NAALADL2: variants seen among roughly 807,000 people sequenced by gnomAD.
NAALADL2 encodes the protein N-acetylated alpha-linked acidic dipeptidase like 2.
Under a neutral mutation model 87.2 loss-of-function variants are expected in NAALADL2, and 76 were observed. That is an observed-to-expected ratio of 0.87 (90% CI 0.72 to 1.05). The LOEUF (loss-of-function observed/expected upper bound fraction) is 1.05, where lower values mean the gene tolerates loss of function less well. NAALADL2 is among the 50% of genes least tolerant of loss of function. NAALADL2 has a pLI of 0.00. For synonymous variants in NAALADL2, 354 were observed against 331.0 expected, an observed-to-expected ratio of 1.07 and a Z score of -0.75; for missense variants, 1,089 against 945.8, an observed-to-expected ratio of 1.15 and a Z score of -1.99.
chr3:174,728,199 T>C (rs1305470453), intron 2 of NAALADL2, among the ~76,000 whole-genome samples: 1 of 152,086 alleles, frequency 6.6e-6, no homozygotes, highest in Non-Finnish European at 1.5e-5. Context: ...TGTTTTAATG[T>C]GGACTTAAGT....
intron 1 of NAALADL2, among the ~76,000 whole-genome samples, chr3:174,880,358 A>G (rs919256696): frequency 6.6e-6 from 1 of 152,126 alleles, no homozygotes; most frequent in Admixed American, 6.6e-5. Flanking sequence ...CTCAAGTAAA[A>G]ACAAGCAAAA....
intron 1 of NAALADL2, among the ~76,000 whole-genome samples, chr3:175,075,991 G>T (rs1056062477): frequency 6.6e-6 from 1 of 152,110 alleles, no homozygotes; most frequent in African/African-American, 2.4e-5. Flanking sequence ...ACTTTAGGAG[G>T]CCGAGGTAGG....
intron 5 of NAALADL2, among the ~76,000 whole-genome samples, chr3:175,336,469 A>G (rs886587966): frequency 6.6e-6 from 1 of 152,162 alleles, no homozygotes; most frequent in African/African-American, 2.4e-5. Context: ...GCCCCAACAT[A>G]GAAATGTATG....
intron 10 of NAALADL2, among the ~76,000 whole-genome samples, chr3:175,603,222 A>C (rs994495863): frequency 1.3e-5 from 2 of 152,174 alleles, no homozygotes; most frequent in African/African-American, 4.8e-5. Context: ...CAGATATTTC[A>C]TTTAGTTACA....
intron 2 of NAALADL2, among the ~76,000 whole-genome samples, chr3:174,586,714 A>G (rs1164275251): frequency 1.3e-5 from 2 of 152,196 alleles, no homozygotes; most frequent in Non-Finnish European, 2.9e-5. Context: ...AGTTGGCCAT[A>G]CTTGAAACTC....
rs144432692 is a variant in NAALADL2 at position 174,750,477 on chromosome 3, C to T, written c.-9+12731C>T. Among the ~76,000 whole-genome samples, 5 of 151,452 alleles carry T rather than the reference C, an allele frequency of 3.3e-5. No homozygotes were observed. The East Asian group carries it at 9.7e-4, about 29-fold the overall frequency. ...CAGACTTCTGCTGCTGTTGCCCAGG[C>T]TGGCATGCAGTAGCACAATCTCCAC... On this transcript the variant is annotated intron_variant, in intron 3 of 3. Coordinates refer to the NAALADL2 transcript ENST00000434257.
At chr3:174,516,310 T>C (rs1176089087) in intron 1 of NAALADL2, among the ~76,000 whole-genome samples, 1 of 152,110 alleles carries the variant, frequency 6.6e-6, no homozygotes, top group Non-Finnish European at 1.5e-5. Flanking sequence ...CATCTCCTCA[T>C]TTGACCCACT....
intron 10 of NAALADL2, among the ~76,000 whole-genome samples, chr3:175,594,368 T>C (rs1033889705): frequency 6.6e-6 from 1 of 152,180 alleles, no homozygotes; most frequent in African/African-American, 2.4e-5. Context: ...ATTGTATATA[T>C]ATACCACATT....
intron 1 of NAALADL2, among the ~76,000 whole-genome samples, chr3:174,860,490 CT>C (rs1414802956): frequency 1.3e-5 from 2 of 151,990 alleles, no homozygotes; most frequent in Admixed American, 6.6e-5. Context: ...TTCTATGTGT[CT>C]TATGGACAAA....
At chr3:174,937,762 C>T (rs2108451154) in intron 1 of NAALADL2, among the ~76,000 whole-genome samples, 1 of 152,142 alleles carries the variant, frequency 6.6e-6, no homozygotes, top group African/African-American at 2.4e-5. Flanking sequence ...TTTAACAAAG[C>T]TAACCTAGTA....
intron 4 of NAALADL2, among the ~76,000 whole-genome samples, chr3:175,292,041 G>GA (rs1755701848): frequency 6.6e-6 from 1 of 152,100 alleles, no homozygotes; most frequent in Non-Finnish European, 1.5e-5. Flanking sequence ...ATAATTCAGA[G>GA]AATGCCATTT....
chr3:174,985,852 T>C (rs536138807), intron 1 of NAALADL2, among the ~76,000 whole-genome samples: 5 of 151,956 alleles, frequency 3.3e-5, no homozygotes, highest in Non-Finnish European at 7.4e-5. Flanking sequence ...CTTGGGAGGC[T>C]GGGGCAGGAG....
chr3:175,466,972 T>C lies in NAALADL2; in HGVS notation c.1328-7T>C. On this transcript the variant is annotated splice_polypyrimidine_tract_variant and splice_region_variant and intron_variant, in intron 7 of 13. Transcript: ENST00000454872. The stretch of plus-strand genomic sequence containing the variant: ...TTTAAATGGCTCTTGTCCCTTTCTA[T>C]TTTCAGACCGGTATATCATAGTTGG... 6.2e-7 allele frequency: 1 copy of C among 1,606,218 alleles called. No individual in the cohort carries two copies. The highest frequency in any genetic ancestry group is 8.5e-7 in the Non-Finnish European group (1 of 1,173,548).
intron 4 of NAALADL2, among the ~76,000 whole-genome samples, chr3:175,283,727 G>C (rs1364028718): frequency 6.6e-6 from 1 of 152,052 alleles, no homozygotes; most frequent in African/African-American, 2.4e-5. Context: ...TTCCTGTGCG[G>C]CTTGTGAGAG....
chr3:174,555,974 C>CGTGTGTGT (rs66968495), intron 2 of NAALADL2, among the ~76,000 whole-genome samples: 97 of 142,626 alleles, frequency 6.8e-4, no homozygotes, highest in Non-Finnish European at 1.3e-3. Flanking sequence ...CCTTATCCTC[C>CGTGTGTGT]GTGTGTGTGT....
At position 174,699,531 on chromosome 3, in the gene NAALADL2, A is replaced by G. The variant is rs187935511; in HGVS notation, c.-114-38110A>G. ...AAAAATTCTTAGATGGTGTTTAGCC[A>G]TACATTTCTAATTTGACCAATTATA... On this transcript the variant is annotated intron_variant, in intron 2 of 3. Coordinates refer to the NAALADL2 transcript ENST00000434257. Among the ~76,000 whole-genome samples, 365 of 152,168 alleles carry G rather than the reference A, an allele frequency of 2.4e-3. 3 individuals carry two copies. The highest frequency in any genetic ancestry group is 1.0e-3 in the Non-Finnish European group (68 of 68,008).
chr3:175,024,115 T>G (rs1241071054), intron 1 of NAALADL2, among the ~76,000 whole-genome samples: 1 of 152,108 alleles, frequency 6.6e-6, no homozygotes, highest in Non-Finnish European at 1.5e-5. Context: ...AGTTTTCCTT[T>G]TTATACAATT....
At chr3:175,681,650 C>T (rs1281207923) in intron 11 of NAALADL2, among the ~76,000 whole-genome samples, 2 of 152,126 alleles carry the variant, frequency 1.3e-5, no homozygotes, top group Non-Finnish European at 2.9e-5. Context: ...TTGAAGAACA[C>T]TCTTTATTCC....
At chr3:174,859,241 G>A, upstream of NAALADL2, 1 of 603,606 alleles carries the variant, frequency 1.7e-6, no homozygotes, top group South Asian at 2.1e-5. Context: ...AGTAAAACAG[G>A]TCCTGCAAGC....
Sources: gnomAD v4.1 joint callset for allele counts (sites outside exome capture counted in the v4.1 genomes callset) on GRCh38, gnomAD v4.1.1 for gene constraint, MANE v1.5 for transcripts, NCBI Gene and HGNC (gene_info 2026-07-23, HGNC 2026-07-21) for gene names.